Variants in ADGRB3 observed in about 807,000 individuals in gnomAD.
ADGRB3 encodes brain-specific angiogenesis inhibitor 3.
Under a neutral mutation model 193.4 loss-of-function variants are expected in ADGRB3, and 37 were observed. That is an observed-to-expected ratio of 0.19 (90% CI 0.15 to 0.25). The LOEUF is 0.25. Among genes scored for constraint, ADGRB3 ranks in the 10% least tolerant of loss-of-function variants. The probability of loss-of-function intolerance (pLI) is 1.00; values close to 1 mark genes in which losing one functional copy is unlikely to be tolerated. For missense variants in ADGRB3, 1,637 were observed against 1,852.9 expected, an observed-to-expected ratio of 0.88 and a Z score of 2.14; for synonymous variants, 690 against 644.2, an observed-to-expected ratio of 1.07 and a Z score of -1.08.
At chr6:69,203,339 C>T (rs1051514160) in intron 17 of ADGRB3, among the ~76,000 whole-genome samples, 16 of 152,100 alleles carry the variant, frequency 1.1e-4, no homozygotes, top group Non-Finnish European at 2.2e-4. Flanking sequence ...GCAAAACAGG[C>T]ATTGCCAGGA....
intron 3 of ADGRB3, among the ~76,000 whole-genome samples, chr6:68,723,762 T>C (rs997942345): frequency 2.0e-5 from 3 of 151,778 alleles, no homozygotes; most frequent in Admixed American, 2.0e-4. Flanking sequence ...CATTGTACTA[T>C]GTGGAGACTA....
intron 17 of ADGRB3, among the ~76,000 whole-genome samples, chr6:69,210,414 T>C (rs7770340): frequency 0.14 from 21,733 of 151,814 alleles, 1,597 homozygotes; most frequent in Middle Eastern, 0.16. Flanking sequence ...AGACTGTGCC[T>C]ATCCAGATTA....
chr6:68,916,962 C>G (rs190374846), intron 3 of ADGRB3, among the ~76,000 whole-genome samples: 1 of 152,222 alleles, frequency 6.6e-6, no homozygotes, highest in East Asian at 1.9e-4. Context: ...AAGGATCTGT[C>G]CCTGTGCTAT....
chr6:69,166,096 G>T (rs181288149), intron 17 of ADGRB3, among the ~76,000 whole-genome samples: 2 of 152,064 alleles, frequency 1.3e-5, no homozygotes, highest in African/African-American at 2.4e-5. Flanking sequence ...CCACATTTCA[G>T]CAAGGCAGGT....
At chr6:69,052,130 T>C (rs951062897) in intron 15 of ADGRB3, among the ~76,000 whole-genome samples, 2 of 152,154 alleles carry the variant, frequency 1.3e-5, no homozygotes, top group African/African-American at 2.4e-5. Flanking sequence ...CCTCGTGATC[T>C]GCCCGCCTCG....
At chr6:68,701,767 A>G (rs973804815) in intron 3 of ADGRB3, among the ~76,000 whole-genome samples, 3 of 152,128 alleles carry the variant, frequency 2.0e-5, no homozygotes, top group African/African-American at 7.2e-5. Context: ...TTGGCTCTTC[A>G]TTATTGTTGT....
At chr6:68,833,805 G>T (rs771977508) in intron 3 of ADGRB3, among the ~76,000 whole-genome samples, 3 of 151,788 alleles carry the variant, frequency 2.0e-5, no homozygotes, top group Non-Finnish European at 4.4e-5. Context: ...CATTCATAAT[G>T]ATTACATCCA....
At chr6:69,231,130 A>G (rs1766125604) in intron 17 of ADGRB3, among the ~76,000 whole-genome samples, 1 of 152,198 alleles carries the variant, frequency 6.6e-6, no homozygotes, top group South Asian at 2.1e-4. Flanking sequence ...TGCACAAAGT[A>G]AAGTAAATGG....
chr6:68,779,005 G>T (rs999214861), intron 3 of ADGRB3, among the ~76,000 whole-genome samples: 8 of 151,940 alleles, frequency 5.3e-5, no homozygotes, highest in African/African-American at 1.9e-4. Context: ...ATTTTAGTGG[G>T]TGATGACTTG....
intron 13 of ADGRB3, among the ~76,000 whole-genome samples, chr6:69,023,788 T>C (rs1258748175): frequency 6.6e-6 from 1 of 152,098 alleles, no homozygotes; most frequent in Non-Finnish European, 1.5e-5. Context: ...CAGGAGACAA[T>C]GAAGACAGGA....
chr6:68,783,299 T>C (rs1359547417), intron 3 of ADGRB3, among the ~76,000 whole-genome samples: 1 of 146,720 alleles, frequency 6.8e-6, no homozygotes, highest in Non-Finnish European at 1.5e-5. Context: ...TAAATATATA[T>C]ATATATATAA....
chr6:69,141,939 A>G (rs182283153), intron 17 of ADGRB3, among the ~76,000 whole-genome samples: 1 of 152,334 alleles, frequency 6.6e-6, no homozygotes, highest in African/African-American at 2.4e-5. Context: ...TGAATTACAT[A>G]CATTGTCTCA....
At chr6:69,137,056 C>CTTTTTTTT (rs71548125) in intron 17 of ADGRB3, among the ~76,000 whole-genome samples, 4 of 80,110 alleles carry the variant, frequency 5.0e-5, no homozygotes, top group South Asian at 5.8e-4. Flanking sequence ...TCTTTTCTTT[C>CTTTTTTTT]TTTTTTTTTT....
chr6:69,035,832 T>A (rs1291126537), intron 13 of ADGRB3, among the ~76,000 whole-genome samples: 4 of 152,124 alleles, frequency 2.6e-5, no homozygotes, highest in Non-Finnish European at 5.9e-5. Flanking sequence ...ATTCAAGAAG[T>A]GAGGACATAG....
chr6:68,973,831 C>T (rs1768657921), intron 8 of ADGRB3, among the ~76,000 whole-genome samples: 1 of 152,170 alleles, frequency 6.6e-6, no homozygotes, highest in African/African-American at 2.4e-5. Context: ...AATATTCTTT[C>T]ACATGGGAGC....
intron 13 of ADGRB3, among the ~76,000 whole-genome samples, chr6:69,026,750 T>A (rs1770442343): frequency 6.6e-6 from 1 of 152,202 alleles, no homozygotes; most frequent in Non-Finnish European, 1.5e-5. Flanking sequence ...AACATGTTAC[T>A]GTATTGAATA....
intron 17 of ADGRB3, among the ~76,000 whole-genome samples, chr6:69,128,407 C>G (rs1381164552): frequency 1.3e-5 from 2 of 152,106 alleles, no homozygotes; most frequent in Non-Finnish European, 1.5e-5. Context: ...ATCTTGTGGT[C>G]TGTGACTTGA....
At chr6:68,955,378 C>T (rs558748927) in intron 6 of ADGRB3, among the ~76,000 whole-genome samples, 2 of 152,096 alleles carry the variant, frequency 1.3e-5, no homozygotes, top group Non-Finnish European at 1.5e-5. Context: ...AATATGAGCT[C>T]GATAAGGTCT....
chr6:69,097,784 C>T (rs533414368), intron 17 of ADGRB3, among the ~76,000 whole-genome samples: 1 of 151,732 alleles, frequency 6.6e-6, no homozygotes, highest in African/African-American at 2.4e-5. Context: ...GGAAGTGATT[C>T]CTAAAATTAT....
Sources: allele counts gnomAD v4.1 joint callset (sites outside exome capture counted in the v4.1 genomes callset), GRCh38; gene constraint gnomAD v4.1.1; transcripts MANE v1.5; gene names NCBI Gene and HGNC (gene_info 2026-07-23, HGNC 2026-07-21).